Variants in FRMD4A observed in about 807,000 individuals in gnomAD.
FRMD4A encodes the protein FERM domain containing 4A, also known as FERM domain-containing protein 4A.
A neutral mutation model predicts 129.1 loss-of-function variants in FRMD4A; 29 were observed. The ratio of observed to expected loss-of-function variants is 0.22; its 90% CI spans 0.17 to 0.31. FRMD4A has a LOEUF of 0.31. Among genes scored for constraint, FRMD4A ranks in the 10% least tolerant of loss-of-function variants. FRMD4A has a pLI of 1.00. For synonymous variants in FRMD4A, 634 were observed against 571.6 expected (o/e 1.11, Z -1.56); for missense variants, 1,272 against 1,375.8 (o/e 0.92, Z 1.19).
Position 13,657,096 on chromosome 10 carries a change from C to T in FRMD4A, c.2493G>A (p.Gln831=), listed in dbSNP as rs371465388. Residue 831 remains glutamine (Q), a synonymous_variant, in exon 22 of 25, where the codon CAG becomes CAA. Coordinates refer to ENST00000357447, the MANE Select transcript of FRMD4A (RefSeq NM_018027.5). The part of the protein sequence containing the change: ...YLHSQSQPSS[Q]YRIKEYPLYI... ...ACAGCGGGTACTCCTTGATGCGGTA[C>T]TGCGAGCTGGGCTGGCTCTGGCTGT... 1.4e-4 allele frequency: 213 copies of T among 1,571,996 alleles called. No individual in the cohort carries two copies. The highest frequency in any genetic ancestry group is 1.8e-4 in the Non-Finnish European group (205 of 1,165,408).
chr10:13,928,161 T>C (rs2095155191), intron 2 of FRMD4A, among the ~76,000 whole-genome samples: 1 of 151,912 alleles, frequency 6.6e-6, no homozygotes, highest in South Asian at 2.1e-4. Context: ...GTTGGGACTA[T>C]AGGTGCATTT....
intron 2 of FRMD4A, among the ~76,000 whole-genome samples, chr10:14,019,943 C>T (rs1832660424): frequency 2.0e-5 from 3 of 152,174 alleles, no homozygotes; most frequent in African/African-American, 2.4e-5. Flanking sequence ...CATCTATGGA[C>T]CTGCTGTTGG....
intron 2 of FRMD4A, among the ~76,000 whole-genome samples, chr10:14,232,971 G>C (rs1843685754): frequency 6.6e-6 from 1 of 152,170 alleles, no homozygotes; most frequent in Non-Finnish European, 1.5e-5. Flanking sequence ...TCTACAGATA[G>C]AGTTGTAGAG....
At chr10:13,715,390 C>T (rs973785497) in intron 12 of FRMD4A, among the ~76,000 whole-genome samples, 25 of 152,118 alleles carry the variant, frequency 1.6e-4, no homozygotes, top group Admixed American at 2.6e-4. Flanking sequence ...CATTTCCTAC[C>T]GATGGGAGAC....
chr10:14,186,762 TG>T (rs1460867161), intron 2 of FRMD4A, among the ~76,000 whole-genome samples: 2 of 152,148 alleles, frequency 1.3e-5, no homozygotes, highest in Non-Finnish European at 2.9e-5. Flanking sequence ...CCCAGGAGAC[TG>T]GCAAAGAAGA....
At chr10:14,089,639 A>AG (rs373874091) in intron 2 of FRMD4A, among the ~76,000 whole-genome samples, 1 of 100,558 alleles carries the variant, frequency 9.9e-6, no homozygotes, top group Non-Finnish European at 1.9e-5. Context: ...ACAAAAAAAA[A>AG]CAAACAAAAA....
At chr10:13,798,532 C>T (rs903586022) in intron 4 of FRMD4A, among the ~76,000 whole-genome samples, 7 of 151,984 alleles carry the variant, frequency 4.6e-5, no homozygotes, top group Admixed American at 3.3e-4. Context: ...CTGGCTAACA[C>T]GGTGAAACCC....
chr10:13,671,922 G>A lies in FRMD4A; in HGVS notation c.1252-1394C>T, dbSNP rs192334482. 2.6e-5 allele frequency among the ~76,000 whole-genome samples: 4 copies of A among 152,306 alleles called. No individual in the cohort carries two copies. In the Middle Eastern group the frequency reaches 0.01, roughly 389 times the overall value. The stretch of plus-strand genomic sequence containing the variant: ...CTGCTCTGACAAGGAAGTTCAGGAG[G>A]CTTTTCTCAGGAATATCCATCATCT... On this transcript the variant is annotated intron_variant, in intron 16 of 24. Transcript: ENST00000357447.
intron 2 of FRMD4A, among the ~76,000 whole-genome samples, chr10:14,091,655 G>A (rs1245396478): frequency 6.6e-6 from 1 of 152,144 alleles, no homozygotes; most frequent in African/African-American, 2.4e-5. Context: ...GGATGGTCTC[G>A]ATCTCTTGAC....
chr10:14,180,643 C>A (rs1841884201), intron 2 of FRMD4A, among the ~76,000 whole-genome samples: 1 of 152,190 alleles, frequency 6.6e-6, no homozygotes, highest in Non-Finnish European at 1.5e-5. Context: ...CCAGGCATTG[C>A]ATTTGTTATG....
intron 2 of FRMD4A, among the ~76,000 whole-genome samples, chr10:13,961,657 C>G (rs1260671880): frequency 6.6e-6 from 1 of 152,184 alleles, no homozygotes; most frequent in African/African-American, 2.4e-5. Flanking sequence ...AGTGCCTCCT[C>G]AAGTAGCTTT....
intron 3 of FRMD4A, among the ~76,000 whole-genome samples, chr10:13,854,406 T>G (rs1042121300): frequency 1.3e-5 from 2 of 152,042 alleles, no homozygotes; most frequent in Non-Finnish European, 2.9e-5. Flanking sequence ...TCCTCTCATT[T>G]TGATGAAGGC....
chr10:14,073,289 G>A (rs555162124), intron 2 of FRMD4A, among the ~76,000 whole-genome samples: 133 of 152,260 alleles, frequency 8.7e-4, no homozygotes, highest in African/African-American at 3.1e-3. Flanking sequence ...CTTGTTAATG[G>A]AGCTGAAGGG....
intron 6 of FRMD4A, among the ~76,000 whole-genome samples, chr10:13,771,351 G>A (rs1160186251): frequency 6.6e-6 from 1 of 152,068 alleles, no homozygotes; most frequent in Admixed American, 6.6e-5. Context: ...GGGATTATAG[G>A]TATGAGCCAC....
At chr10:14,151,262 AG>A (rs1459081615) in intron 2 of FRMD4A, among the ~76,000 whole-genome samples, 1 of 152,226 alleles carries the variant, frequency 6.6e-6, no homozygotes, top group African/African-American at 2.4e-5. Flanking sequence ...AAGCAACCTA[AG>A]GGTCCACCAA....
chr10:13,939,106 C>T (rs2095271135), intron 2 of FRMD4A, among the ~76,000 whole-genome samples: 2 of 152,164 alleles, frequency 1.3e-5, no homozygotes, highest in Admixed American at 6.5e-5. Flanking sequence ...GAGGAAGTGG[C>T]AGCTACACGG....
rs1000587415 is a variant in FRMD4A at position 13,891,304 on chromosome 10, A to T, written c.46-32392T>A. Among the ~76,000 whole-genome samples the T allele has an allele frequency of 6.6e-5, 10 of 152,174 alleles. 1 individual carries two copies. Among genetic ancestry groups the T allele is most frequent in the African/African-American group, 1.2e-4 (5 of 41,506 alleles). On this transcript the variant is annotated intron_variant, in intron 2 of 24. Transcript: ENST00000357447. ...CCTGGCACTCTCAGAAAATGGTTTT[A>T]AAAAAAGCCTACACAGCTCTGCCTA... is the stretch of plus-strand genomic sequence containing the variant.
intron 2 of FRMD4A, among the ~76,000 whole-genome samples, chr10:14,122,668 A>G (rs893415190): frequency 2.6e-5 from 4 of 152,088 alleles, no homozygotes; most frequent in Admixed American, 6.5e-5. Flanking sequence ...CTCACTTACT[A>G]TCATGACCAA....
Position 13,939,098 on chromosome 10 carries a change from G to A in FRMD4A, c.46-80186C>T, listed in dbSNP as rs72481105. ...AGATTGAGAAACCCGAGGGTTAAGA[G>A]GAAGTGGCAGCTACACGGTAAGGCA... On this transcript the variant is annotated intron_variant, in intron 2 of 24. Coordinates refer to ENST00000357447, the MANE Select transcript of FRMD4A (RefSeq NM_018027.5). Among the ~76,000 whole-genome samples the A allele has an allele frequency of 8.6e-3, 1,303 of 152,288 alleles. 30 individuals are homozygous for A. The East Asian group carries it at 0.088, about 10-fold the overall frequency.
Sources: allele counts gnomAD v4.1 joint callset (sites outside exome capture counted in the v4.1 genomes callset), GRCh38; gene constraint gnomAD v4.1.1; transcripts MANE v1.5; gene names NCBI Gene and HGNC (gene_info 2026-07-23, HGNC 2026-07-21).